AKAP19: variants seen among roughly 807,000 people sequenced by gnomAD.
AKAP19 encodes small A-kinase anchoring protein.
chr2:189,907,053 G>T, the AKAP19 span, among the ~76,000 whole-genome samples: 18 of 152,174 alleles, frequency 1.2e-4, no homozygotes, highest in Middle Eastern at 6.8e-3. Flanking sequence ...CTTCCTAATT[G>T]ACCCCTTAAT....
At chr2:189,950,989 T>A in the AKAP19 span, among the ~76,000 whole-genome samples, 1 of 151,870 alleles carries the variant, frequency 6.6e-6, no homozygotes, top group Non-Finnish European at 1.5e-5. Flanking sequence ...GGGGTGGGGG[T>A]AGTAGCAGAA....
At chr2:190,165,376 G>A in the AKAP19 span, among the ~76,000 whole-genome samples, 1 of 152,142 alleles carries the variant, frequency 6.6e-6, no homozygotes, top group Non-Finnish European at 1.5e-5. Flanking sequence ...GGCAGAGGTT[G>A]CAGTGAGCTG....
chr2:190,096,477 C>T, the AKAP19 span, among the ~76,000 whole-genome samples: 1 of 152,176 alleles, frequency 6.6e-6, no homozygotes, highest in African/African-American at 2.4e-5. Flanking sequence ...TCTCCCTGCA[C>T]CTTTAGCAGG....
At chr2:189,988,153 G>T in the AKAP19 span, among the ~76,000 whole-genome samples, 1 of 152,182 alleles carries the variant, frequency 6.6e-6, no homozygotes, top group South Asian at 2.1e-4. Flanking sequence ...CCATCTGGTT[G>T]TTAGAAATGC....
chr2:190,196,366 T>C, the AKAP19 span, among the ~76,000 whole-genome samples: 4 of 152,186 alleles, frequency 2.6e-5, no homozygotes, highest in South Asian at 6.2e-4. Context: ...ATTTCACATC[T>C]TGTACATTTC....
At chr2:189,979,447 T>G in the AKAP19 span, among the ~76,000 whole-genome samples, 3 of 152,192 alleles carry the variant, frequency 2.0e-5, no homozygotes, top group South Asian at 6.2e-4. Flanking sequence ...ATTAAAAACT[T>G]AAATATAAGA....
the AKAP19 span, among the ~76,000 whole-genome samples, chr2:190,163,085 T>C: frequency 6.6e-6 from 1 of 152,338 alleles, no homozygotes; most frequent in South Asian, 2.1e-4. Context: ...TTCTTAACTT[T>C]ATAGTTTTAG....
the AKAP19 span, among the ~76,000 whole-genome samples, chr2:189,919,445 G>A: frequency 6.6e-6 from 1 of 151,166 alleles, no homozygotes; most frequent in Admixed American, 6.6e-5. Context: ...AAAAAAAACA[G>A]GATACATGTG....
the AKAP19 span, among the ~76,000 whole-genome samples, chr2:189,945,802 T>G: frequency 6.6e-6 from 1 of 152,178 alleles, no homozygotes; most frequent in Non-Finnish European, 1.5e-5. Flanking sequence ...AGGAGACTAT[T>G]TATTCTGAAG....
At chr2:190,006,881 G>A in the AKAP19 span, among the ~76,000 whole-genome samples, 2 of 152,060 alleles carry the variant, frequency 1.3e-5, no homozygotes, top group Admixed American at 6.5e-5. Flanking sequence ...TTAGCCAGGC[G>A]TGGTGGCAGG....
the AKAP19 span, among the ~76,000 whole-genome samples, chr2:190,176,471 C>T: frequency 1.3e-4 from 20 of 152,228 alleles, no homozygotes; most frequent in African/African-American, 4.1e-4. This position sits in a 1 kb window ranked among gnomAD's most constrained non-coding sequence, Gnocchi z 4.7. Context: ...CCTCAGCCTC[C>T]GGAGTAGCTG....
the AKAP19 span, among the ~76,000 whole-genome samples, chr2:189,909,394 A>G: frequency 6.6e-6 from 1 of 151,774 alleles, no homozygotes; most frequent in Non-Finnish European, 1.5e-5. Context: ...TATCATGTTA[A>G]TTGTTTTCTG....
chr2:189,995,964 G>T, the AKAP19 span, among the ~76,000 whole-genome samples: 242 of 152,232 alleles, frequency 1.6e-3, 1 homozygote, highest in Non-Finnish European at 2.7e-3. Flanking sequence ...TCAGAAATCT[G>T]CTGTTAATCT....
the AKAP19 span, among the ~76,000 whole-genome samples, chr2:190,024,964 CT>C: frequency 6.6e-6 from 1 of 152,166 alleles, no homozygotes; most frequent in Non-Finnish European, 1.5e-5. Flanking sequence ...AAACCTGCTC[CT>C]TTTAAAGCAT....
chr2:189,983,248 A>G, the AKAP19 span, among the ~76,000 whole-genome samples: 2 of 152,150 alleles, frequency 1.3e-5, no homozygotes, highest in South Asian at 2.1e-4. Context: ...GTGTTGCTGC[A>G]TGCTACAGAT....
chr2:190,138,363 T>G, the AKAP19 span, among the ~76,000 whole-genome samples: 1 of 151,686 alleles, frequency 6.6e-6, no homozygotes, highest in South Asian at 2.1e-4. Context: ...GGGAGAAGAG[T>G]GCTCACAAAA....
chr2:190,062,570 A>G, the AKAP19 span: 1 of 1,612,718 alleles, frequency 6.2e-7, no homozygotes, highest in Non-Finnish European at 8.5e-7. Flanking sequence ...ACAGGTAAAT[A>G]TAAACACAGA....
the AKAP19 span, chr2:190,057,698 T>C: frequency 6.4e-7 from 1 of 1,560,802 alleles, no homozygotes; most frequent in Non-Finnish European, 8.8e-7. Context: ...CTTTTCTACC[T>C]ACCTTAAGAA....
chr2:190,174,278 A>G, the AKAP19 span, among the ~76,000 whole-genome samples: 145,154 of 152,210 alleles, frequency 0.95, 69,566 homozygotes, highest in East Asian at 1. Flanking sequence ...TTGCCTGAGG[A>G]CTGTTTTCAC....
Sources: gnomAD v4.1 joint callset for allele counts (sites outside exome capture counted in the v4.1 genomes callset) on GRCh38, gnomAD v4.1.1 for gene constraint, Gnocchi (gnomAD v3.1) non-coding constraint, MANE v1.5 for transcripts, NCBI Gene and HGNC (gene_info 2026-07-23, HGNC 2026-07-21) for gene names.